The following DLG1 variants were observed in gnomAD, a reference collection of about 807,000 sequenced individuals.
DLG1 encodes disks large homolog 1.
A neutral mutation model predicts 123.4 loss-of-function variants in DLG1; 42 were observed. The observed-to-expected ratio is 0.34, with a 90% CI of 0.27 to 0.44. The LOEUF (loss-of-function observed/expected upper bound fraction) is 0.44. DLG1 is among the 20% of genes least tolerant of loss of function. DLG1 has a pLI of 1.00. For synonymous variants in DLG1, 317 were observed against 356.2 expected (o/e 0.89, Z 1.24); for missense variants, 942 against 1,082.6 (o/e 0.87, Z 1.82).
At chr3:197,213,991 T>C (rs780436845) in intron 4 of DLG1, among the ~76,000 whole-genome samples, 31 of 152,286 alleles carry the variant, frequency 2.0e-4, no homozygotes, top group Non-Finnish European at 2.5e-4. Context: ...ATTAAAAGTT[T>C]GATAGCAGCA....
rs189260469 is a variant in DLG1 at position 197,076,666 on chromosome 3, C to T, written c.1925G>A (p.Arg642His). The T allele has an allele frequency of 5.0e-6, 8 of 1,612,312 alleles. 1 individual carries two copies. The highest frequency in any genetic ancestry group is 2.2e-5 in the South Asian group (2 of 91,038). ...RDKGQSFNDK[R>H]KKNLFSRKFP... is the part of the protein sequence containing the mutation. ...TTTTCGGGAAAAGAGGTTCTTTTTA[C>T]GCTTGTCATTGAATGACTGCTGAAG... The change falls in exon 18 of 25, where the codon CGT (arginine) becomes CAT (histidine). Residue 642 changes from arginine (R) to histidine (H), a missense_variant. By Grantham distance (29) the Arg-to-His change is conservative (BLOSUM62 0). Transcript: ENST00000667157.
chr3:197,283,246 A>G (rs905166012), intron 3 of DLG1, among the ~76,000 whole-genome samples: 1 of 152,232 alleles, frequency 6.6e-6, no homozygotes, highest in Non-Finnish European at 1.5e-5. Flanking sequence ...ATGGTAGCTA[A>G]TATCATTACT....
intron 5 of DLG1, among the ~76,000 whole-genome samples, chr3:197,159,145 T>G (rs1403317343): frequency 6.6e-6 from 1 of 151,968 alleles, no homozygotes; most frequent in East Asian, 1.9e-4. Context: ...AGTGGTGGAG[T>G]CGGGTAGGAC....
Position 197,161,665 on chromosome 3 carries a change from G to T in DLG1, c.484-11869C>A, listed in dbSNP as rs751787367. The stretch of plus-strand genomic sequence containing the variant: ...CTGTGGTATGGTGGGTAGGATGACA[G>T]TATTCTCAGCAGGGACTGGCAGGAC... On this transcript the variant is annotated intron_variant, in intron 5 of 24. Coordinates refer to ENST00000667157, the MANE Select transcript of DLG1 (RefSeq NM_001366207.1). 3 of 1,558,578 alleles carry T rather than the reference G, an allele frequency of 1.9e-6. No homozygotes were observed. In the East Asian group the frequency reaches 7.5e-5, roughly 39 times the overall value.
intron 22 of DLG1, among the ~76,000 whole-genome samples, chr3:197,062,196 CT>C (rs1354275866): frequency 1.3e-5 from 2 of 152,150 alleles, no homozygotes; most frequent in African/African-American, 4.8e-5. Context: ...AACATCATAC[CT>C]TAGCCCAGAT....
intron 4 of DLG1, among the ~76,000 whole-genome samples, chr3:197,273,969 G>A (rs996877346): frequency 6.6e-6 from 1 of 151,186 alleles, no homozygotes; most frequent in Non-Finnish European, 1.5e-5. Flanking sequence ...CAAAAAAAAT[G>A]GAAAGATATC....
intron 5 of DLG1, among the ~76,000 whole-genome samples, chr3:197,154,614 G>T (rs1392892959): frequency 1.3e-5 from 2 of 152,034 alleles, no homozygotes; most frequent in Non-Finnish European, 2.9e-5. Context: ...GGCGGAGCTT[G>T]CAGTCAGCCG....
intron 4 of DLG1, among the ~76,000 whole-genome samples, chr3:197,233,435 G>A (rs1025213214): frequency 6.6e-6 from 1 of 152,208 alleles, no homozygotes; most frequent in African/African-American, 2.4e-5. Flanking sequence ...CGCCCAGGCT[G>A]GTGTGCAGTG....
rs555217081 is a variant in DLG1, at chr3:197,142,412, T to C, written c.588+306A>G. Among the ~76,000 whole-genome samples the C allele has an allele frequency of 4.6e-5, 7 of 152,234 alleles. No homozygotes were observed. In the East Asian group the frequency reaches 1.2e-3, roughly 25 times the overall value. ...ATACAGGTGTCTTAGTTGAAATAAA[T>C]GTACTCTAGTAATAGAAGATGTTAA... On this transcript the variant is annotated intron_variant, in intron 7 of 24. Transcript: ENST00000667157.
intron 4 of DLG1, among the ~76,000 whole-genome samples, chr3:197,209,317 A>C (rs1251612021): frequency 2.0e-5 from 3 of 147,022 alleles, no homozygotes; most frequent in South Asian, 2.5e-4. Flanking sequence ...CAAAATGCTA[A>C]AAATTTAATT....
chr3:197,198,876 G>A (rs1050515638), intron 4 of DLG1, among the ~76,000 whole-genome samples: 4 of 152,158 alleles, frequency 2.6e-5, no homozygotes, highest in Non-Finnish European at 5.9e-5. Context: ...TTCCTCAAAA[G>A]GTTACATGAA....
intron 5 of DLG1, among the ~76,000 whole-genome samples, chr3:197,166,892 C>CG (rs1245991128): frequency 2.0e-5 from 3 of 151,696 alleles, no homozygotes; most frequent in East Asian, 1.9e-4. Flanking sequence ...AACTCCGTCT[C>CG]GGGGGGAAAA....
At chr3:197,159,805 A>G (rs1319294537) in intron 5 of DLG1, among the ~76,000 whole-genome samples, 1 of 152,212 alleles carries the variant, frequency 6.6e-6, no homozygotes, top group African/African-American at 2.4e-5. Context: ...TTTAAAACCT[A>G]AAGTGAAGCT....
In DLG1 at chr3:197,264,515, C is replaced by T. The variant is rs1367393006; in HGVS notation, c.318+18164G>A. On this transcript the variant is annotated intron_variant, in intron 4 of 24. Transcript: ENST00000667157. ...CTCAACTTACTGCAACCTTTGCCTCCCAGGTTCAAGCGATGATTCTCCTGC... is the reference window on the plus strand; with the variant it reads ...CTCAACTTACTGCAACCTTTGCCTCTCAGGTTCAAGCGATGATTCTCCTGC... 1.3e-5 allele frequency among the ~76,000 whole-genome samples: 2 copies of T among 152,144 alleles called. 1 individual carries two copies. Among genetic ancestry groups the T allele is most frequent in the Non-Finnish European group, 2.9e-5 (2 of 68,024 alleles).
At chr3:197,232,638 C>T (rs1438785711) in intron 4 of DLG1, among the ~76,000 whole-genome samples, 2 of 151,778 alleles carry the variant, frequency 1.3e-5, no homozygotes, top group East Asian at 1.9e-4. Context: ...ATCCTGCAGG[C>T]ACTTCATGAA....
intron 11 of DLG1, among the ~76,000 whole-genome samples, chr3:197,124,184 T>C (rs1274025432): frequency 1.3e-5 from 2 of 152,188 alleles, no homozygotes; most frequent in East Asian, 1.9e-4. Flanking sequence ...GGAACTATCA[T>C]CGTGTCACTC....
intron 3 of DLG1, among the ~76,000 whole-genome samples, chr3:197,288,969 A>T (rs571748009): frequency 2.6e-5 from 4 of 152,082 alleles, no homozygotes; most frequent in Non-Finnish European, 5.9e-5. Context: ...AGAAGGAAGA[A>T]GATTCTTCCT....
At chr3:197,100,641 A>G (rs1340783223) in intron 14 of DLG1, among the ~76,000 whole-genome samples, 1 of 152,212 alleles carries the variant, frequency 6.6e-6, no homozygotes, top group Non-Finnish European at 1.5e-5. Flanking sequence ...AGAGATTCCA[A>G]GAGTTTAATG....
chr3:197,200,681 T>A (rs552411686), intron 4 of DLG1, among the ~76,000 whole-genome samples: 65 of 151,886 alleles, frequency 4.3e-4, no homozygotes, highest in Non-Finnish European at 7.9e-4. Context: ...CATACACAAA[T>A]CAATAAATGT....
Sources: allele counts gnomAD v4.1 joint callset (sites outside exome capture counted in the v4.1 genomes callset), GRCh38; gene constraint gnomAD v4.1.1; transcripts MANE v1.5; gene names NCBI Gene and HGNC (gene_info 2026-07-23, HGNC 2026-07-21).